C11orf65: variants seen among roughly 807,000 people sequenced by gnomAD.
C11orf65 encodes protein MFI.
Under a neutral mutation model 35.3 loss-of-function variants are expected in C11orf65, and 38 were observed. The ratio of observed to expected loss-of-function variants is 1.08; its 90% CI spans 0.83 to 1.41. C11orf65 has a LOEUF of 1.41. Among genes scored for constraint, C11orf65 ranks in the 40% most tolerant of loss-of-function variants. The pLI is 0.00. For missense variants in C11orf65, 370 were observed against 367.1 expected (o/e 1.01, Z -0.06); for synonymous variants, 105 against 114.4 (o/e 0.92, Z 0.53).
At chr11:108,334,112 A>G (rs529482831) in intron 3 of C11orf65, 2 of 675,038 alleles carry the variant, frequency 3.0e-6, no homozygotes, top group African/African-American at 1.8e-5. Flanking sequence ...TCTCAGTATT[A>G]TATTTCCTTT....
chr11:108,374,994 A>G (rs1339460686), intron 2 of C11orf65, among the ~76,000 whole-genome samples: 1 of 152,216 alleles, frequency 6.6e-6, no homozygotes, highest in East Asian at 1.9e-4. Flanking sequence ...ATGTGAAAAG[A>G]CCAAATCTAC....
In C11orf65 at chr11:108,332,901, G is replaced by C. The variant is rs1555125532; in HGVS notation, c.300-1334C>G. On this transcript the variant is annotated intron_variant, in intron 3 of 3. Coordinates refer to the C11orf65 transcript ENST00000524755. ...GCCACTCAGTGGAAGACTCAGAGAA[G>C]TATGTTTTTTTTAAAGAAGAAACGT... The C allele has an allele frequency of 6.2e-7, 1 of 1,611,550 alleles. No homozygotes were observed. Among genetic ancestry groups the C allele is most frequent in the Non-Finnish European group, 8.5e-7 (1 of 1,179,392 alleles).
At chr11:108,464,152 G>T (rs1334233950) in intron 1 of C11orf65, among the ~76,000 whole-genome samples, 1 of 151,990 alleles carries the variant, frequency 6.6e-6, no homozygotes, top group Non-Finnish European at 1.5e-5. Context: ...GGCTCGAACT[G>T]CTGGCCTCAA....
In C11orf65 at chr11:108,446,866, G is replaced by C. The variant is rs374323119; in HGVS notation, c.81+14613C>G. Reference sequence around the variant, plus strand: ...TTGGATAAAGAGTCAAGACCCATCAGTGTGCTGTATTCAGGAAACCCATCT... The same window carrying C: ...TTGGATAAAGAGTCAAGACCCATCACTGTGCTGTATTCAGGAAACCCATCT... On this transcript the variant is annotated intron_variant, in intron 2 of 8. Transcript: ENST00000393084. 1.0e-3 allele frequency among the ~76,000 whole-genome samples: 157 copies of C among 152,236 alleles called. 2 individuals are homozygous for C. In the East Asian group the frequency reaches 0.02, roughly 19 times the overall value.
chr11:108,469,167 GAT>G (rs2093562778), upstream of C11orf65, among the ~76,000 whole-genome samples: 1 of 150,484 alleles, frequency 6.6e-6, no homozygotes, highest in Non-Finnish European at 1.5e-5. Flanking sequence ...AGTGAGCCGA[GAT>G]AGCGCCATTG....
chr11:108,326,799 T>C (rs925069380), downstream of C11orf65, among the ~76,000 whole-genome samples: 37 of 152,284 alleles, frequency 2.4e-4, no homozygotes, highest in African/African-American at 7.7e-4. Context: ...GCTTAGTGAA[T>C]ATCAGCTCAC....
chr11:108,437,705 C>CT (rs971876680), intron 2 of C11orf65, among the ~76,000 whole-genome samples: 4 of 45,146 alleles, frequency 8.9e-5, no homozygotes, highest in African/African-American at 5.2e-4. Flanking sequence ...GAGACTCAGT[C>CT]TTAAAAAAAA....
At chr11:108,465,230 T>C (rs941076261) in intron 1 of C11orf65, among the ~76,000 whole-genome samples, 1 of 152,202 alleles carries the variant, frequency 6.6e-6, no homozygotes, top group African/African-American at 2.4e-5. Flanking sequence ...TTGATCTAAA[T>C]AATTTTACAC....
At chr11:108,339,277 TAAAC>T (rs2087220738) in intron 2 of C11orf65, among the ~76,000 whole-genome samples, 1 of 152,186 alleles carries the variant, frequency 6.6e-6, no homozygotes, top group East Asian at 1.9e-4. Flanking sequence ...AAGTCTCTAA[TAAAC>T]AATATTTAAG....
At chr11:108,315,421 G>A (rs4988083) in intron 6 of C11orf65, among the ~76,000 whole-genome samples, 3,177 of 152,032 alleles carry the variant, frequency 0.021, 121 homozygotes, top group African/African-American at 0.071. Context: ...ATATTTTATG[G>A]TAGTAAATGA....
At chr11:108,411,527 T>C (rs1035333098) in intron 3 of C11orf65, among the ~76,000 whole-genome samples, 2 of 152,200 alleles carry the variant, frequency 1.3e-5, no homozygotes, top group African/African-American at 4.8e-5. Flanking sequence ...AAATCTACAA[T>C]ATCTGTACTA....
intron 2 of C11orf65, among the ~76,000 whole-genome samples, chr11:108,348,568 A>G (rs975944301): frequency 6.6e-5 from 10 of 151,980 alleles, no homozygotes; most frequent in African/African-American, 2.4e-4. Context: ...TATATAAGAA[A>G]GAAGTGTGAA....
intron 6 of C11orf65, among the ~76,000 whole-genome samples, chr11:108,324,409 C>A (rs2085456745): frequency 6.6e-6 from 1 of 151,980 alleles, no homozygotes; most frequent in South Asian, 2.1e-4. Flanking sequence ...TAAATTAATA[C>A]ATTTTAGATT....
At position 108,317,056 on chromosome 11, in the gene C11orf65, C is replaced by T. The variant is rs563182928; in HGVS notation, c.641-7985G>A. On this transcript the variant is annotated intron_variant, in intron 6 of 6. Transcript: ENST00000525729. ...TCAAGGGCACCTCTCGCTTCAGCCACCCAAGTAGCTGGGGCTACAGGTACA... is the reference window on the plus strand; with the variant it reads ...TCAAGGGCACCTCTCGCTTCAGCCATCCAAGTAGCTGGGGCTACAGGTACA... Among the ~76,000 whole-genome samples, 35 of 151,796 alleles carry T rather than the reference C, an allele frequency of 2.3e-4. No individual in the cohort carries two copies. The South Asian group carries it at 5.8e-3, about 25-fold the overall frequency.
At chr11:108,397,274 G>C (rs991555498) in intron 6 of C11orf65, among the ~76,000 whole-genome samples, 5 of 149,986 alleles carry the variant, frequency 3.3e-5, no homozygotes, top group African/African-American at 1.2e-4. Flanking sequence ...AGCTGACATG[G>C]TGCCAATGTA....
intron 2 of C11orf65, among the ~76,000 whole-genome samples, chr11:108,443,487 T>C (rs1232285654): frequency 6.6e-6 from 1 of 152,132 alleles, no homozygotes; most frequent in African/African-American, 2.4e-5. Context: ...CATAGACATC[T>C]ACAGAACTCT....
chr11:108,335,839 C>G (rs200389039), intron 2 of C11orf65: 1 of 1,608,010 alleles, frequency 6.2e-7, no homozygotes, highest in Non-Finnish European at 8.5e-7. Flanking sequence ...CTTAATTATT[C>G]TGAAGGGCCG....
chr11:108,363,309 C>T (rs1245496379), intron 2 of C11orf65, among the ~76,000 whole-genome samples: 2 of 152,194 alleles, frequency 1.3e-5, no homozygotes, highest in Non-Finnish European at 2.9e-5. Flanking sequence ...TAAGCCCCTC[C>T]TTCAGAGCAC....
intron 6 of C11orf65, among the ~76,000 whole-genome samples, chr11:108,322,147 T>C (rs962885435): frequency 1.3e-5 from 2 of 152,088 alleles, no homozygotes; most frequent in Non-Finnish European, 2.9e-5. Flanking sequence ...TGTTTTGTTT[T>C]CTTTTTTTTC....
Sources: allele counts gnomAD v4.1 joint callset (sites outside exome capture counted in the v4.1 genomes callset), GRCh38; gene constraint gnomAD v4.1.1; transcripts MANE v1.5; gene names NCBI Gene and HGNC (gene_info 2026-07-23, HGNC 2026-07-21).